Variants in ABCC9 observed in about 807,000 individuals in gnomAD.
The protein encoded by ABCC9 is ATP binding cassette subfamily C member 9, also known as ATP-binding cassette sub-family C member 9.
Under a neutral mutation model 188.3 loss-of-function variants are expected in ABCC9, and 95 were observed. That is an observed-to-expected ratio of 0.50 (90% CI 0.43 to 0.60). The LOEUF (loss-of-function observed/expected upper bound fraction) is 0.60. Among genes scored for constraint, ABCC9 ranks in the 20% least tolerant of loss-of-function variants. The pLI is 0.00. For missense variants in ABCC9, 1,102 were observed against 1,876.3 expected (o/e 0.59, Z 7.62); for synonymous variants, 659 against 652.7 (o/e 1.01, Z -0.15).
chr12:21,915,939 C>T (rs1948585941), intron 6 of ABCC9, 29 bp from the exon 7 acceptor site: 7 of 1,590,052 alleles, frequency 4.4e-6, no homozygotes, highest in South Asian at 1.1e-5. Context: ...CACAGTATAA[C>T]AATTAGTCCA....
chr12:21,905,845 A>G (rs1282009906), intron 12 of ABCC9, among the ~76,000 whole-genome samples: 1 of 152,094 alleles, frequency 6.6e-6, no homozygotes, highest in Non-Finnish European at 1.5e-5. Context: ...AAGAAAACCA[A>G]CGATTTCAGT....
At chr12:21,814,607 C>T (rs878897512) in intron 35 of ABCC9, 37 bp downstream of exon 35, 1 of 1,538,240 alleles carries the variant, frequency 6.5e-7, no homozygotes. Context: ...AAGGAAAGCA[C>T]CAAGTGGCCA....
intron 31 of ABCC9, among the ~76,000 whole-genome samples, chr12:21,818,616 G>A (rs562767736): frequency 4.1e-5 from 6 of 146,566 alleles, no homozygotes; most frequent in African/African-American, 1.0e-4. Context: ...ACAATTGGTG[G>A]CACAACAAGG....
At chr12:21,831,012 A>ATCTATCTG (rs1315455527) in intron 30 of ABCC9, 2 of 145,640 alleles carry the variant, frequency 1.4e-5, no homozygotes, top group African/African-American at 2.5e-5. Context: ...CTATCTATCT[A>ATCTATCTG]TCATCAATCT....
At chr12:21,926,998 T>C (rs1187673651) in intron 4 of ABCC9, among the ~76,000 whole-genome samples, 7 of 152,240 alleles carry the variant, frequency 4.6e-5, no homozygotes, top group Admixed American at 4.6e-4. Context: ...AGTTCAAGAT[T>C]GGGGGATAGG....
chr12:21,862,627 AT>A (rs1945578092), intron 20 of ABCC9, among the ~76,000 whole-genome samples: 3 of 152,050 alleles, frequency 2.0e-5, no homozygotes, highest in Non-Finnish European at 4.4e-5. Context: ...ATTTACTTGA[AT>A]TTTTCCTTCT....
chr12:21,797,433 A>G lies in ABCC9; in HGVS notation c.*3611T>C, dbSNP rs1187137864. 1 of 152,322 alleles carries G rather than the reference A, an allele frequency of 6.6e-6. No homozygotes were observed. Among genetic ancestry groups the G allele is most frequent in the East Asian group, 1.9e-4 (1 of 5,180 alleles). The allele number at this position is 152,322 out of a possible 1,614,324, so 9.4% of individuals were successfully genotyped here. ...AATTTAATTATGTAATAGTAGTCCA[A>G]TATGTTTTTATATATTGTAGAGAAT... is the stretch of plus-strand genomic sequence containing the variant. On this transcript the variant is annotated 3_prime_UTR_variant, in exon 40 of 40. Coordinates refer to ENST00000261200, the MANE Select transcript of ABCC9 (RefSeq NM_020297.4).
intron 16 of ABCC9, among the ~76,000 whole-genome samples, chr12:21,877,156 C>A (rs1665572953): frequency 6.6e-6 from 1 of 152,252 alleles, no homozygotes; most frequent in East Asian, 1.9e-4. Context: ...ATCCTCCCTG[C>A]TCTCTTGAAG....
At chr12:21,825,523 C>T (rs759969946) in intron 31 of ABCC9, among the ~76,000 whole-genome samples, 3 of 152,036 alleles carry the variant, frequency 2.0e-5, no homozygotes, top group Non-Finnish European at 4.4e-5. Context: ...AACCATCATC[C>T]TCAGCAAACT....
intron 12 of ABCC9, among the ~76,000 whole-genome samples, chr12:21,902,107 A>G (rs1411438908): frequency 1.3e-5 from 2 of 152,258 alleles, no homozygotes; most frequent in Admixed American, 6.5e-5. Context: ...CTCTCAGACC[A>G]CAGTGCAATC....
rs752514128 is a variant in ABCC9, at chr12:21,845,758, T to C, written c.2941A>G (p.Thr981Ala). The C allele has an allele frequency of 1.2e-6, 2 of 1,613,816 alleles. No individual in the cohort carries two copies. The highest frequency in any genetic ancestry group is 1.7e-6 in the Non-Finnish European group (2 of 1,179,834). The change falls in exon 26 of 40, where the codon ACC becomes GCC. Residue 981 changes from threonine (T) to alanine (A), a missense_variant. Coordinates refer to ENST00000261200, the MANE Select transcript of ABCC9 (RefSeq NM_020297.4). ...CCAGATGTCAGGTAGCGCCAGCAGG[T>C]TTTCCATGGCATTTTAGTCCTGAGC... ...MRLRTKMPWK[T>A]CWRYLTSGGF... is the part of the protein sequence containing the mutation.
At chr12:21,818,955 A>G (rs1942859330) in intron 31 of ABCC9, among the ~76,000 whole-genome samples, 1 of 152,190 alleles carries the variant, frequency 6.6e-6, no homozygotes. Flanking sequence ...TGTAAATAAG[A>G]ATAAGCACTA....
At chr12:21,899,772 C>T (rs1028949985) in intron 12 of ABCC9, among the ~76,000 whole-genome samples, 3 of 152,168 alleles carry the variant, frequency 2.0e-5, no homozygotes, top group South Asian at 2.1e-4. Context: ...GAGGGGCACC[C>T]GCCATTGCTG....
intron 29 of ABCC9, among the ~76,000 whole-genome samples, chr12:21,841,583 TC>T (rs1944399004): frequency 6.6e-6 from 1 of 151,822 alleles, no homozygotes; most frequent in South Asian, 2.1e-4. Flanking sequence ...GGTCTCGAAC[TC>T]CTGACCTCAC....
In ABCC9 at chr12:21,917,118, A is replaced by T; in HGVS notation, c.407-15T>A. The stretch of plus-strand genomic sequence containing the variant: ...CAGGAACAGGGCTGAAAAGAAAAAG[A>T]CAAAAAGAGAAAGATGCAATCTTTT... On this transcript the variant is annotated splice_polypyrimidine_tract_variant and intron_variant, in intron 5 of 39. Coordinates refer to ENST00000261200, the MANE Select transcript of ABCC9 (RefSeq NM_020297.4). 6.2e-7 allele frequency: 1 copy of T among 1,612,844 alleles called. No homozygotes were observed. The highest frequency in any genetic ancestry group is 8.5e-7 in the Non-Finnish European group (1 of 1,179,048).
At chr12:21,827,309 A>T (rs1210996448) in intron 31 of ABCC9, 2 of 985,342 alleles carry the variant, frequency 2.0e-6, no homozygotes, top group East Asian at 2.3e-4. Context: ...TGACAGCAGG[A>T]AGTGCTAAAG....
chr12:21,845,642 T>G lies in ABCC9; in HGVS notation c.3057A>C (p.Thr1019=). The change falls in exon 26 of 40, where the codon ACA becomes ACC. Residue 1019 remains threonine (T), a synonymous_variant. Coordinates refer to ENST00000261200, the MANE Select transcript of ABCC9 (RefSeq NM_020297.4). Reference sequence around the variant, plus strand: ...CAGTATTGTTTATACTGTACTCCGATGTCCATGTGGCCAGCCAATAGTCTA... The same window carrying G: ...CAGTATTGTTTATACTGTACTCCGAGGTCCATGTGGCCAGCCAATAGTCTA... ...VAIDYWLATW[T]SEYSINNTGK... is the part of the protein sequence containing the mutation. The G allele has an allele frequency of 6.2e-7, 1 of 1,613,826 alleles. No homozygotes were observed. Among genetic ancestry groups the G allele is most frequent in the South Asian group, 1.1e-5 (1 of 91,074 alleles).
At chr12:21,864,221 C>G (rs1293730087) in intron 19 of ABCC9, among the ~76,000 whole-genome samples, 1 of 152,088 alleles carries the variant, frequency 6.6e-6, no homozygotes, top group Non-Finnish European at 1.5e-5. Context: ...ACGTGTGACT[C>G]AGTGAGAGGA....
rs1591760857 is a variant in ABCC9 at position 21,936,576 on chromosome 12, A to C, written c.99T>G (p.Pro33=). Residue 33 remains proline (P), a synonymous_variant, in exon 3 of 40, where the codon CCT becomes CCG. Coordinates refer to ENST00000261200, the MANE Select transcript of ABCC9 (RefSeq NM_020297.4). ...SCFVDALNLV[P]HVFLLFITFP... ...AAGTGATAAACAACAGAAAGACATG[A>C]GGGACCAGGTTGAGGGCATCCACAA... 1 of 1,613,340 alleles carries C rather than the reference A, an allele frequency of 6.2e-7. No homozygotes were observed. The highest frequency in any genetic ancestry group is 8.5e-7 in the Non-Finnish European group (1 of 1,179,402).
Sources: gnomAD v4.1 joint callset for allele counts (sites outside exome capture counted in the v4.1 genomes callset) on GRCh38, gnomAD v4.1.1 for gene constraint, MANE v1.5 for transcripts, NCBI Gene and HGNC (gene_info 2026-07-23, HGNC 2026-07-21) for gene names.